The following ADAMTSL3 variants were observed in gnomAD, a reference collection of about 807,000 sequenced individuals.
ADAMTSL3 encodes ADAMTS like 3.
ADAMTSL3 carries 128 observed loss-of-function variants against 201.7 expected under a neutral mutation model. The ratio of observed to expected loss-of-function variants is 0.63; its 90% CI spans 0.55 to 0.73. The LOEUF is 0.73. ADAMTSL3 is among the 30% of genes least tolerant of loss of function. The pLI is 0.00. For synonymous variants in ADAMTSL3, 738 were observed against 748.4 expected (o/e 0.99, Z 0.23); for missense variants, 1,990 against 2,119.6 (o/e 0.94, Z 1.20).
At chr15:83,868,110 C>T (rs1404906719) in intron 8 of ADAMTSL3, among the ~76,000 whole-genome samples, 1 of 152,140 alleles carries the variant, frequency 6.6e-6, no homozygotes, top group African/African-American at 2.4e-5. Context: ...GGCTCACACT[C>T]TCTTCCCTTA....
At chr15:83,840,901 A>G (rs1438505532) in intron 7 of ADAMTSL3, among the ~76,000 whole-genome samples, 1 of 152,214 alleles carries the variant, frequency 6.6e-6, no homozygotes, top group Non-Finnish European at 1.5e-5. Context: ...TTCAGGAACC[A>G]GGCACCTTTC....
At chr15:83,756,855 A>G (rs1282740507) in intron 3 of ADAMTSL3, among the ~76,000 whole-genome samples, 1 of 152,228 alleles carries the variant, frequency 6.6e-6, no homozygotes, top group Non-Finnish European at 1.5e-5. Context: ...CAAAGGGGCT[A>G]CAGGGCCCAT....
At chr15:83,760,652 T>C (rs557812570) in intron 3 of ADAMTSL3, among the ~76,000 whole-genome samples, 9 of 152,218 alleles carry the variant, frequency 5.9e-5, no homozygotes, top group African/African-American at 2.2e-4. Flanking sequence ...TTTTGCTTTA[T>C]ATATTTTGTG....
intron 7 of ADAMTSL3, among the ~76,000 whole-genome samples, chr15:83,852,082 G>GT (rs1189619306): frequency 2.0e-5 from 3 of 151,888 alleles, no homozygotes; most frequent in Admixed American, 2.0e-4. Context: ...ATTCACTGAG[G>GT]TTTTTTTGCC....
chr15:83,812,130 CT>C (rs2063708760), intron 5 of ADAMTSL3, among the ~76,000 whole-genome samples: 1 of 152,166 alleles, frequency 6.6e-6, no homozygotes. Context: ...ATGGTTGTAT[CT>C]TTTTTTCCAT....
chr15:83,655,862 G>A, intron 2 of ADAMTSL3, 32 bp downstream of exon 2: 1 of 1,599,436 alleles, frequency 6.3e-7, no homozygotes, highest in Non-Finnish European at 8.6e-7. Context: ...AAGGGAAATG[G>A]TGGACATCCC....
At chr15:83,989,953 T>C (rs2067554005) in intron 22 of ADAMTSL3, among the ~76,000 whole-genome samples, 1 of 152,216 alleles carries the variant, frequency 6.6e-6, no homozygotes, top group Non-Finnish European at 1.5e-5. Context: ...AGACATTTTC[T>C]CTCTTGAGAC....
intron 2 of ADAMTSL3, among the ~76,000 whole-genome samples, chr15:83,703,975 A>G (rs2061810553): frequency 6.7e-6 from 1 of 149,636 alleles, no homozygotes; most frequent in Admixed American, 6.7e-5. Flanking sequence ...GTAGTATGGG[A>G]GAAAATTTTT....
At chr15:83,894,739 A>G (rs1266765061) in intron 13 of ADAMTSL3, among the ~76,000 whole-genome samples, 1 of 152,096 alleles carries the variant, frequency 6.6e-6, no homozygotes, top group Non-Finnish European at 1.5e-5. Flanking sequence ...AATTTATTTT[A>G]CTTTCCTGTG....
rs2065068755 is a variant in ADAMTSL3 at position 83,870,969 on chromosome 15, T to C, written c.960+10T>C. ...TGATTTCATCTTCAAGGTAGGATGA[T>C]CCTCTTCATAAACTTCATGTACCTG... On this transcript the variant is annotated intron_variant, in intron 9 of 29. Coordinates refer to ENST00000286744, the MANE Select transcript of ADAMTSL3 (RefSeq NM_207517.3). 6.2e-7 allele frequency: 1 copy of C among 1,609,562 alleles called. No individual in the cohort carries two copies. The highest frequency in any genetic ancestry group is 8.5e-7 in the Non-Finnish European group (1 of 1,178,996).
chr15:83,873,256 A>G (rs1227408554), intron 9 of ADAMTSL3, among the ~76,000 whole-genome samples: 1 of 145,412 alleles, frequency 6.9e-6, no homozygotes, highest in Non-Finnish European at 1.5e-5. Context: ...GTGAGCCAAG[A>G]TCGCACCACT....
chr15:83,717,281 A>G (rs1459929708), intron 3 of ADAMTSL3: 1 of 152,202 alleles, frequency 6.6e-6, no homozygotes, highest in Non-Finnish European at 1.5e-5. Context: ...AATTCCTGCA[A>G]TTTCAATCTT....
intron 25 of ADAMTSL3, among the ~76,000 whole-genome samples, chr15:84,017,394 G>A (rs945100146): frequency 6.6e-6 from 1 of 152,204 alleles, no homozygotes; most frequent in Non-Finnish European, 1.5e-5. Context: ...TGAGATTACA[G>A]GCGTGAGCCA....
intron 4 of ADAMTSL3, among the ~76,000 whole-genome samples, chr15:83,786,716 G>C (rs550658972): frequency 6.6e-6 from 1 of 152,182 alleles, no homozygotes; most frequent in Non-Finnish European, 1.5e-5. Flanking sequence ...TATTTTTAGT[G>C]TGATATCTGG....
intron 13 of ADAMTSL3, among the ~76,000 whole-genome samples, chr15:83,896,352 A>T (rs889623493): frequency 3.9e-5 from 6 of 152,212 alleles, no homozygotes; most frequent in Non-Finnish European, 5.9e-5. Context: ...ACTCCTCAAA[A>T]ACAAGAATAT....
chr15:83,987,870 A>G (rs1482327796), intron 21 of ADAMTSL3, among the ~76,000 whole-genome samples: 2 of 152,168 alleles, frequency 1.3e-5, no homozygotes, highest in African/African-American at 2.4e-5. Flanking sequence ...GGGGCAGGGG[A>G]AAAATAGTAT....
intron 7 of ADAMTSL3, among the ~76,000 whole-genome samples, chr15:83,851,840 A>G (rs1202584790): frequency 6.6e-6 from 1 of 152,218 alleles, no homozygotes; most frequent in Non-Finnish European, 1.5e-5. Context: ...TAAACTTACA[A>G]AAACTTCAAA....
intron 22 of ADAMTSL3, among the ~76,000 whole-genome samples, chr15:83,989,668 T>A (rs1357130577): frequency 6.6e-6 from 1 of 152,238 alleles, no homozygotes; most frequent in African/African-American, 2.4e-5. Flanking sequence ...AGAAACATTT[T>A]TAATACTTAG....
At chr15:83,839,428 C>G (rs1367754739) in intron 7 of ADAMTSL3, among the ~76,000 whole-genome samples, 1 of 152,130 alleles carries the variant, frequency 6.6e-6, no homozygotes, top group Admixed American at 6.5e-5. Flanking sequence ...CATTTGGAGT[C>G]AAAGCCTTCG....
Sources: allele counts gnomAD v4.1 joint callset (sites outside exome capture counted in the v4.1 genomes callset), GRCh38; gene constraint gnomAD v4.1.1; transcripts MANE v1.5; gene names NCBI Gene and HGNC (gene_info 2026-07-23, HGNC 2026-07-21).